The following CORO2B variants were observed in gnomAD, a reference collection of about 807,000 sequenced individuals.
The protein encoded by CORO2B is coronin-2B.
In CORO2B, 26 loss-of-function variants were observed where a neutral mutation model predicts 58.8. The observed-to-expected ratio is 0.44, with a 90% CI of 0.32 to 0.61. The LOEUF is 0.61. CORO2B is among the 20% of genes least tolerant of loss of function. The probability of loss-of-function intolerance (pLI) is 0.04; values close to 1 mark genes in which losing one functional copy is unlikely to be tolerated. For missense variants in CORO2B, 460 were observed against 645.1 expected (o/e 0.71, Z 3.11); for synonymous variants, 242 against 253.8 (o/e 0.95, Z 0.44).
chr15:68,590,237 C>T (rs1040339500), intron 1 of CORO2B, among the ~76,000 whole-genome samples: 3 of 151,976 alleles, frequency 2.0e-5, no homozygotes, highest in Admixed American at 6.5e-5. Flanking sequence ...CCCCTCTGCA[C>T]CACCGCCCCC....
intron 1 of CORO2B, among the ~76,000 whole-genome samples, chr15:68,596,319 G>A (rs889500366): frequency 7.1e-6 from 1 of 141,758 alleles, no homozygotes; most frequent in Non-Finnish European, 1.5e-5. Context: ...CCTGACATCA[G>A]TGGTAGAAAT....
intron 2 of CORO2B, among the ~76,000 whole-genome samples, chr15:68,685,859 A>C (rs1382347666): frequency 6.6e-6 from 1 of 152,122 alleles, no homozygotes; most frequent in Non-Finnish European, 1.5e-5. Context: ...GGTGATTCTA[A>C]AATGTAGCCA....
At chr15:68,608,522 G>A (rs1052658382) in intron 1 of CORO2B, among the ~76,000 whole-genome samples, 1 of 152,234 alleles carries the variant, frequency 6.6e-6, no homozygotes, top group African/African-American at 2.4e-5. Context: ...GTGTGAGTGT[G>A]CACGCGTGCG....
chr15:68,616,192 C>T (rs1321352712), intron 1 of CORO2B, among the ~76,000 whole-genome samples: 3 of 152,036 alleles, frequency 2.0e-5, no homozygotes, highest in Admixed American at 6.6e-5. Flanking sequence ...GGGTTGCTGT[C>T]GGGGATATGG....
intron 1 of CORO2B, among the ~76,000 whole-genome samples, chr15:68,619,298 T>C (rs1900450293): frequency 6.6e-6 from 1 of 152,228 alleles, no homozygotes; most frequent in South Asian, 2.1e-4. Context: ...TAGCCTGAAT[T>C]TTATCACTTA....
chr15:68,639,188 T>G (rs912853582), intron 1 of CORO2B, among the ~76,000 whole-genome samples: 2 of 152,164 alleles, frequency 1.3e-5, no homozygotes, highest in Non-Finnish European at 2.9e-5. Flanking sequence ...CTCCTTGTGC[T>G]TGACCTTGGC....
chr15:68,669,143 A>C (rs1357417700), intron 2 of CORO2B, among the ~76,000 whole-genome samples: 1 of 151,686 alleles, frequency 6.6e-6, no homozygotes, highest in Non-Finnish European at 1.5e-5. Flanking sequence ...GAAAGGAAAG[A>C]AGAAAGAAAA....
intron 1 of CORO2B, among the ~76,000 whole-genome samples, chr15:68,582,414 C>T (rs1899449466): frequency 6.6e-6 from 1 of 152,210 alleles, no homozygotes. Context: ...GCTGCCTCCT[C>T]TCAGTCCAAC....
intron 2 of CORO2B, among the ~76,000 whole-genome samples, chr15:68,685,956 T>C (rs1902956629): frequency 6.6e-6 from 1 of 150,450 alleles, no homozygotes; most frequent in Non-Finnish European, 1.5e-5. Flanking sequence ...CTAAGGGGCT[T>C]CGCAACTGAG....
intron 1 of CORO2B, among the ~76,000 whole-genome samples, chr15:68,625,894 C>A (rs769764336): frequency 6.6e-6 from 1 of 151,902 alleles, no homozygotes; most frequent in Non-Finnish European, 1.5e-5. Flanking sequence ...CATGAGCCAC[C>A]ACACCCAGCC....
chr15:68,544,431 A>G, the CORO2B span, among the ~76,000 whole-genome samples: 1 of 152,148 alleles, frequency 6.6e-6, no homozygotes, highest in Non-Finnish European at 1.5e-5. Context: ...CCATGCCCTC[A>G]AACAGCCCTG....
intron 11 of CORO2B, among the ~76,000 whole-genome samples, chr15:68,725,211 A>G (rs1239851634): frequency 1.3e-5 from 2 of 152,126 alleles, no homozygotes; most frequent in Non-Finnish European, 2.9e-5. Flanking sequence ...TCTACTAAAA[A>G]TACAAAAATT....
At chr15:68,528,011 T>G in the CORO2B span, among the ~76,000 whole-genome samples, 1 of 152,194 alleles carries the variant, frequency 6.6e-6, no homozygotes, top group Admixed American at 6.5e-5. Context: ...ACCAAGTCAC[T>G]TAGGAGTTCT....
chr15:68,692,660 G>GACGGGTTT (rs1892410129), intron 2 of CORO2B, among the ~76,000 whole-genome samples: 1 of 142,140 alleles, frequency 7.0e-6, no homozygotes, highest in African/African-American at 2.6e-5. Flanking sequence ...TGAAGACAGA[G>GACGGGTTT]TCTCACTCTG....
At chr15:68,614,885 C>T (rs1228345104) in intron 1 of CORO2B, among the ~76,000 whole-genome samples, 1 of 152,198 alleles carries the variant, frequency 6.6e-6, no homozygotes, top group African/African-American at 2.4e-5. Context: ...TCCGGGCCTG[C>T]GCCCATGTAT....
intron 1 of CORO2B, chr15:68,616,600 T>C (rs1335761355): frequency 2.0e-6 from 2 of 985,458 alleles, no homozygotes; most frequent in South Asian, 9.4e-5. Context: ...CGCGGTCGAA[T>C]GATTCTGACA....
chr15:68,648,011 G>A lies in CORO2B; in HGVS notation c.216+2651G>A, dbSNP rs555803606. ...CCCCTGCACTCCACCCTGGGCAACG[G>A]AGAAAGATCCTGTCTCTCAAAAAAA... is the stretch of plus-strand genomic sequence containing the variant. On this transcript the variant is annotated intron_variant, in intron 2 of 11. Coordinates refer to ENST00000261861, the MANE Select transcript of CORO2B (RefSeq NM_006091.5). Among the ~76,000 whole-genome samples, 374 of 128,486 alleles carry A rather than the reference G, an allele frequency of 2.9e-3. 1 individual carries two copies. Among genetic ancestry groups the A allele is most frequent in the Non-Finnish European group, 5.0e-3 (318 of 63,134 alleles). The allele number at this position is 128,486 out of a possible 152,430, so 84.3% of individuals were successfully genotyped here.
At chr15:68,576,021 C>T (rs55698022), upstream of CORO2B, among the ~76,000 whole-genome samples, 263 of 151,442 alleles carry the variant, frequency 1.7e-3, no homozygotes, top group Middle Eastern at 0.01. Context: ...GGTGGGGTGG[C>T]GGGCACCTGT....
chr15:68,606,832 G>T (rs1900136089), intron 1 of CORO2B, among the ~76,000 whole-genome samples: 1 of 152,100 alleles, frequency 6.6e-6, no homozygotes, highest in East Asian at 1.9e-4. Flanking sequence ...AGCATGGAGG[G>T]GTGGACATGG....
Sources: gnomAD v4.1 joint callset for allele counts (sites outside exome capture counted in the v4.1 genomes callset) on GRCh38, gnomAD v4.1.1 for gene constraint, MANE v1.5 for transcripts, NCBI Gene and HGNC (gene_info 2026-07-23, HGNC 2026-07-21) for gene names.